Variants in KCNIP1 observed in about 807,000 individuals in gnomAD.
KCNIP1 encodes potassium voltage-gated channel interacting protein 1, also known as A-type potassium channel modulatory protein KCNIP1.
KCNIP1 carries 18 observed loss-of-function variants against 33.0 expected under a neutral mutation model. The ratio of observed to expected loss-of-function variants is 0.55; its 90% CI spans 0.38 to 0.81. KCNIP1 has a LOEUF of 0.81. Ranked by LOEUF, KCNIP1 falls within the 30% of genes least tolerant of loss-of-function variation. The pLI is 0.00. For synonymous variants in KCNIP1, 93 were observed against 98.3 expected (o/e 0.95, Z 0.32); for missense variants, 238 against 271.6 (o/e 0.88, Z 0.87).
At chr5:170,579,974 A>G (rs1178849609) in intron 1 of KCNIP1, among the ~76,000 whole-genome samples, 1 of 125,844 alleles carries the variant, frequency 7.9e-6, no homozygotes, top group African/African-American at 3.4e-5. Context: ...AATAGGAAAG[A>G]AAAAAAAAAA....
At chr5:170,466,707 T>A (rs1207684435) in intron 1 of KCNIP1, among the ~76,000 whole-genome samples, 13 of 152,158 alleles carry the variant, frequency 8.5e-5, no homozygotes, top group Admixed American at 8.5e-4. Flanking sequence ...CTGGCTATGT[T>A]CTCACATGGT....
chr5:170,731,702 A>G (rs1436128534), intron 5 of KCNIP1, among the ~76,000 whole-genome samples: 4 of 130,320 alleles, frequency 3.1e-5, no homozygotes, highest in Non-Finnish European at 5.5e-5. Flanking sequence ...TCAAAAAAAA[A>G]AAAAAAGAAA....
chr5:170,644,910 G>A (rs778628305), intron 1 of KCNIP1, among the ~76,000 whole-genome samples: 1 of 152,192 alleles, frequency 6.6e-6, no homozygotes, highest in African/African-American at 2.4e-5. Flanking sequence ...TCTGAGTCAG[G>A]CATCCAACCT....
chr5:170,507,151 G>A (rs7734834), intron 1 of KCNIP1, among the ~76,000 whole-genome samples: 38,818 of 152,106 alleles, frequency 0.26, 5,141 homozygotes, highest in East Asian at 0.41. Context: ...TCTCAGAGAC[G>A]TGAGGCTCAG....
intron 1 of KCNIP1, among the ~76,000 whole-genome samples, chr5:170,470,822 C>G (rs573930146): frequency 6.6e-6 from 1 of 152,128 alleles, no homozygotes; most frequent in African/African-American, 2.4e-5. Context: ...AGCTCTTGCC[C>G]GTGGGCATGA....
In KCNIP1 at chr5:170,628,738, G is replaced by A. The variant is rs1322166761; in HGVS notation, c.62-90020G>A. 2.0e-5 allele frequency among the ~76,000 whole-genome samples: 3 copies of A among 152,184 alleles called. No homozygotes were observed. In the East Asian group the frequency reaches 5.8e-4, roughly 29 times the overall value. On this transcript the variant is annotated intron_variant, in intron 1 of 7. Coordinates refer to ENST00000328939, the MANE Select transcript of KCNIP1 (RefSeq NM_014592.4). ...AGACACCCGTCAATACATGAATATT[G>A]ACACACAACGCTGCAGTGCACGCGC...
chr5:170,693,158 G>C (rs1296608634), intron 1 of KCNIP1, among the ~76,000 whole-genome samples: 1 of 152,174 alleles, frequency 6.6e-6, no homozygotes, highest in Non-Finnish European at 1.5e-5. Flanking sequence ...GGGAACCCAG[G>C]TCTCCCATCC....
intron 1 of KCNIP1, among the ~76,000 whole-genome samples, chr5:170,584,801 G>A (rs564612183): frequency 3.9e-5 from 6 of 152,222 alleles, no homozygotes; most frequent in East Asian, 1.9e-4. Context: ...AGAGGAATCC[G>A]TGTGCTTTAT....
At chr5:170,409,845 G>A (rs936483834) in intron 1 of KCNIP1, among the ~76,000 whole-genome samples, 38 of 152,270 alleles carry the variant, frequency 2.5e-4, no homozygotes, top group African/African-American at 8.9e-4. Context: ...GCAACATAAT[G>A]TATTTCTCCT....
intron 2 of KCNIP1, 84 bp downstream of exon 2, chr5:170,718,966 G>A (rs1763725797): frequency 1.3e-6 from 2 of 1,536,452 alleles, no homozygotes; most frequent in Non-Finnish European, 1.7e-6. Flanking sequence ...AGCTCATAAG[G>A]CGTTTCCCAT....
chr5:170,710,886 TA>T (rs1763420963), intron 1 of KCNIP1, among the ~76,000 whole-genome samples: 3 of 152,206 alleles, frequency 2.0e-5, no homozygotes, highest in African/African-American at 2.4e-5. Context: ...CAGGAGGCAC[TA>T]AGAGCTTCCT....
chr5:170,368,861 C>T (rs1763772017), intron 1 of KCNIP1, among the ~76,000 whole-genome samples: 2 of 152,250 alleles, frequency 1.3e-5, no homozygotes, highest in South Asian at 4.1e-4. Flanking sequence ...CATTCTCCTC[C>T]AGCCAAACTG....
At chr5:170,623,475 G>T (rs1321661577) in intron 1 of KCNIP1, among the ~76,000 whole-genome samples, 1 of 152,000 alleles carries the variant, frequency 6.6e-6, no homozygotes, top group Non-Finnish European at 1.5e-5. Flanking sequence ...GCCTCCCAAA[G>T]TGCTGGGATT....
intron 1 of KCNIP1, among the ~76,000 whole-genome samples, chr5:170,679,626 A>AGTGT (rs58712710): frequency 0.15 from 21,346 of 144,288 alleles, 1,719 homozygotes; most frequent in African/African-American, 0.24. Context: ...TGTATATGAC[A>AGTGT]GTGTGTGTGT....
intron 1 of KCNIP1, among the ~76,000 whole-genome samples, chr5:170,570,580 G>T (rs983272507): frequency 6.6e-6 from 1 of 152,190 alleles, no homozygotes; most frequent in Non-Finnish European, 1.5e-5. Context: ...TGAAATAGAG[G>T]CAGGTTTTAA....
At chr5:170,615,007 G>A (rs1251320122) in intron 1 of KCNIP1, among the ~76,000 whole-genome samples, 1 of 152,186 alleles carries the variant, frequency 6.6e-6, no homozygotes, top group African/African-American at 2.4e-5. Context: ...CCTGAGGTCA[G>A]GAGTTCAAGG....
At chr5:170,626,696 A>G (rs1218624994) in intron 1 of KCNIP1, among the ~76,000 whole-genome samples, 2 of 152,182 alleles carry the variant, frequency 1.3e-5, no homozygotes, top group Non-Finnish European at 2.9e-5. Context: ...GAAGGAGTAG[A>G]AGCTGGAGCT....
intron 1 of KCNIP1, chr5:170,375,724 G>A (rs1763972304): frequency 1.3e-5 from 2 of 152,262 alleles, no homozygotes; most frequent in African/African-American, 4.8e-5. Context: ...AGATGGCCTT[G>A]GCCAGTTACC....
intron 1 of KCNIP1, among the ~76,000 whole-genome samples, chr5:170,550,542 GATGATGGTGATGACA>G (rs1561681836): frequency 1.3e-5 from 2 of 150,936 alleles, no homozygotes; most frequent in Admixed American, 6.6e-5. Flanking sequence ...TGGTGATAAT[GATGATGGTGATGACA>G]ATGATGGTGA....
Sources: allele counts gnomAD v4.1 joint callset (sites outside exome capture counted in the v4.1 genomes callset), GRCh38; gene constraint gnomAD v4.1.1; transcripts MANE v1.5; gene names NCBI Gene and HGNC (gene_info 2026-07-23, HGNC 2026-07-21).